The following KAT8 variants were observed in gnomAD, a reference collection of about 807,000 sequenced individuals.
KAT8 encodes the protein histone acetyltransferase KAT8.
A neutral mutation model predicts 62.9 loss-of-function variants in KAT8; 40 were observed. The observed-to-expected ratio is 0.64, with a 90% CI of 0.49 to 0.83. KAT8 has a LOEUF of 0.83. Ranked by LOEUF, KAT8 falls within the 40% of genes least tolerant of loss-of-function variation. The pLI, the probability that KAT8 is intolerant of heterozygous loss-of-function variation, is 0.00. For synonymous variants in KAT8, 278 were observed against 254.5 expected (o/e 1.09, Z -0.88); for missense variants, 387 against 614.8 (o/e 0.63, Z 3.92).
At chr16:31,118,798 C>T (rs1163498911) in intron 1 of KAT8, 1 of 152,006 alleles carries the variant, frequency 6.6e-6, no homozygotes. Flanking sequence ...TTATTGAATG[C>T]TCTGCTAATT....
At position 31,130,449 on chromosome 16, in the gene KAT8, C is replaced by T. The variant is rs754218385; in HGVS notation, c.1007-7C>T. The T allele has an allele frequency of 6.2e-7, 1 of 1,614,112 alleles. No homozygotes were observed. The highest frequency in any genetic ancestry group is 1.1e-5 in the South Asian group (1 of 91,082). ...GGATCCTAAGTTCCTCTTTCTACTG[C>T]TGCCAGGTTATGAGCTCTCCAAGCT... On this transcript the variant is annotated splice_polypyrimidine_tract_variant and splice_region_variant and intron_variant, in intron 8 of 10. Coordinates refer to ENST00000219797, the MANE Select transcript of KAT8 (RefSeq NM_032188.3).
chr16:31,131,039 C>A (rs1375246224), intron 10 of KAT8, 139 bp downstream of exon 10: 3 of 1,503,708 alleles, frequency 2.0e-6, no homozygotes, highest in Non-Finnish European at 1.8e-6. Flanking sequence ...CGGGGCAGGC[C>A]TCTCATTCCT....
At chr16:31,117,939 G>T in intron 1 of KAT8, 47 bp downstream of exon 1, 2 of 1,263,338 alleles carry the variant, frequency 1.6e-6, no homozygotes, top group Non-Finnish European at 2.0e-6. Flanking sequence ...CTCAGGGCCA[G>T]GGGGTGGGGC....
chr16:31,117,821 C>T lies in KAT8; in HGVS notation c.140C>T (p.Ala47Val). 1 of 1,435,374 alleles carries T rather than the reference C, an allele frequency of 7.0e-7. No individual in the cohort carries two copies. The allele number at this position is 1,435,374 out of a possible 1,614,324, so 88.9% of individuals were successfully genotyped here. A position where few individuals can be genotyped will look rare whatever the true frequency, so the allele number is the denominator to read the frequency against. Residue 47 changes from alanine to valine, a missense_variant, in exon 1 of 11, where the codon GCG becomes GTG. This residue lies in a region of KAT8 where 92 missense variants were observed against 78.8 expected (regional missense o/e 1.17). Transcript: ENST00000219797. The stretch of plus-strand genomic sequence containing the variant: ...GGCCGCGTCTCTCCGCCGACCCCGG[C>T]GCGCGGCGAGCCGGAAGTCACGGTG... ...SPGRVSPPTP[A>V]RGEPEVTVEI... is the part of the protein sequence containing the mutation.
At chr16:31,130,716 T>G (rs1567437749) in intron 9 of KAT8, 30 bp from the exon 10 acceptor site, 3 of 1,613,274 alleles carry the variant, frequency 1.9e-6, no homozygotes, top group Non-Finnish European at 2.5e-6. Flanking sequence ...GGGCACCAGG[T>G]CTGGCATTTG....
At chr16:31,129,509 C>T (rs1388299932) in intron 6 of KAT8, among the ~76,000 whole-genome samples, 2 of 152,118 alleles carry the variant, frequency 1.3e-5, no homozygotes, top group African/African-American at 4.8e-5. Context: ...CCAGGGAGCC[C>T]CTTAGTGTGT....
At position 31,127,040 on chromosome 16, in the gene KAT8, T is replaced by A; in HGVS notation, c.468T>A (p.Tyr156Ter). 1 of 1,614,198 alleles carries A rather than the reference T, an allele frequency of 6.2e-7. No individual in the cohort carries two copies. Among genetic ancestry groups the A allele is most frequent in the Non-Finnish European group, 8.5e-7 (1 of 1,180,032 alleles). ...ACTTTTCTTTCCTGGCCCAGACTTA[T>A]GCAGAGATGGACCCCACCACAGCAG... ...HDEINHVQKTYAEMDPTTAAL... is the reference protein window; with the variant it reads ...HDEINHVQKT Residue 156 changes from tyrosine to a stop codon, truncating the protein, a stop_gained, in exon 4 of 11, where the codon TAT (tyrosine) becomes TAA (stop). Coordinates refer to ENST00000219797, the MANE Select transcript of KAT8 (RefSeq NM_032188.3). LOFTEE classifies it high-confidence loss of function.
intron 4 of KAT8, 48 bp downstream of exon 4, chr16:31,127,136 C>G (rs758863838): frequency 2.5e-6 from 4 of 1,613,886 alleles, no homozygotes; most frequent in Non-Finnish European, 8.5e-7. Context: ...CTCCCCTTGC[C>G]GAGGAGCCCC....
rs1271181116 is a variant in KAT8 at position 31,128,079 on chromosome 16, GA to G, written c.714del (p.Glu239ArgfsTer50). On this transcript the variant is annotated frameshift_variant, in exon 6 of 11. Coordinates refer to ENST00000219797, the MANE Select transcript of KAT8 (RefSeq NM_032188.3). LOFTEE classifies it high-confidence loss of function. Reference protein sequence around the residue: ...GQCQWRQPPGKEIYRKSNISV... With the variant: ...GQCQWRQPPGXEIYRKSNISV... The stretch of plus-strand genomic sequence containing the variant: ...AGTGCCAGTGGCGGCAGCCCCCCGG[GA>G]AAGAGATCTACCGCAAGAGCAACAT... 6.2e-7 allele frequency: 1 copy of G among 1,613,862 alleles called. No individual in the cohort carries two copies. The highest frequency in any genetic ancestry group is 1.1e-5 in the South Asian group (1 of 91,070).
chr16:31,127,213 A>G lies in KAT8; in HGVS notation c.541A>G (p.Lys181Glu). Residue 181 changes from lysine to glutamate, a missense_variant, in exon 5 of 11, where the codon AAG (lysine) becomes GAG (glutamate). Lys to Glu is a moderately conservative substitution (Grantham distance 56). Transcript: ENST00000219797. ...GATCACCAAGGTGAAGTATGTGGAC[A>G]AGATCCACATCGGGAACTACGAAAT... ...EAITKVKYVD[K>E]IHIGNYEIDA... The G allele has an allele frequency of 6.2e-7, 1 of 1,614,222 alleles. No individual in the cohort carries two copies. The highest frequency in any genetic ancestry group is 2.2e-5 in the East Asian group (1 of 44,884).
At chr16:31,131,010 C>A in intron 10 of KAT8, 110 bp downstream of exon 10, 1 of 1,520,392 alleles carries the variant, frequency 6.6e-7, no homozygotes. Context: ...CCAGTCAGAC[C>A]AGCTCCCAGG....
chr16:31,118,113 C>T, intron 1 of KAT8: 1 of 403,550 alleles, frequency 2.5e-6, no homozygotes, highest in Non-Finnish European at 4.4e-6. Flanking sequence ...CGCCTACAAA[C>T]CCACCGCTCA....
chr16:31,125,209 A>G (rs948324043), intron 3 of KAT8, among the ~76,000 whole-genome samples: 1 of 151,596 alleles, frequency 6.6e-6, no homozygotes, highest in East Asian at 1.9e-4. Flanking sequence ...AAAAAAAAAA[A>G]CATGTCTGTG....
chr16:31,131,064 C>G, intron 10 of KAT8, 131 bp from the exon 11 acceptor site: 1 of 1,507,474 alleles, frequency 6.6e-7, no homozygotes, highest in Non-Finnish European at 8.9e-7. Context: ...TTCCCTACCC[C>G]TCCCCAGCAC....
At chr16:31,122,345 C>T (rs903222591) in intron 3 of KAT8, 10 of 152,162 alleles carry the variant, frequency 6.6e-5, no homozygotes, top group African/African-American at 1.2e-4. Context: ...CTTACCTTCC[C>T]GATGATCCTA....
In KAT8 at chr16:31,127,225, G is replaced by A; in HGVS notation, c.553G>A (p.Gly185Arg). The A allele has an allele frequency of 1.2e-6, 2 of 1,614,238 alleles. No individual in the cohort carries two copies. Among genetic ancestry groups the A allele is most frequent in the Non-Finnish European group, 1.7e-6 (2 of 1,180,036 alleles). ...KVKYVDKIHIGNYEIDAWYFS... is the reference protein window; with the variant it reads ...KVKYVDKIHIRNYEIDAWYFS... ...GAAGTATGTGGACAAGATCCACATC[G>A]GGAACTACGAAATTGATGCCTGGTA... Residue 185 changes from glycine to arginine, a missense_variant, in exon 5 of 11, where the codon GGG becomes AGG. Gly to Arg is a moderately radical substitution (Grantham distance 125). Around this residue, in one of 6 missense-constraint regions of KAT8, gnomAD observed 141 missense variants for 222.5 expected, o/e 0.63. Coordinates refer to ENST00000219797, the MANE Select transcript of KAT8 (RefSeq NM_032188.3).
In KAT8 at chr16:31,127,370, C is replaced by A. The variant is rs763621855; in HGVS notation, c.681+17C>A. The A allele has an allele frequency of 2.5e-6, 4 of 1,613,074 alleles. No homozygotes were observed. In the South Asian group the frequency reaches 4.4e-5, roughly 18 times the overall value. On this transcript the variant is annotated intron_variant, in intron 5 of 10. Coordinates refer to ENST00000219797, the MANE Select transcript of KAT8 (RefSeq NM_032188.3). ...TTCCACTTGGTGAGGCTGGGCCGGC[C>A]GGGCCGAGCTGGGCAGGGGCCCGGT...
chr16:31,131,353 T>C lies in KAT8; in HGVS notation c.*94T>C. The stretch of plus-strand genomic sequence containing the variant: ...TTGTCATTTTTTTAATAAAGTCAGT[T>C]CTGGTGGCCCTGGACTTTGGAGGGG... On this transcript the variant is annotated 3_prime_UTR_variant, in exon 11 of 11. Coordinates refer to ENST00000219797, the MANE Select transcript of KAT8 (RefSeq NM_032188.3). 1 of 1,455,614 alleles carries C rather than the reference T, an allele frequency of 6.9e-7. No homozygotes were observed. Among genetic ancestry groups the C allele is most frequent in the Non-Finnish European group, 9.5e-7 (1 of 1,057,292 alleles). The allele number at this position is 1,455,614 out of a possible 1,614,324, so 90.2% of individuals were successfully genotyped here.
chr16:31,130,637 G>T, intron 9 of KAT8, 31 bp downstream of exon 9: 1 of 1,612,562 alleles, frequency 6.2e-7, no homozygotes, highest in African/African-American at 1.3e-5. Context: ...CTGGGGGCAG[G>T]ACTTGCCCTG....
Sources: allele counts gnomAD v4.1 joint callset (sites outside exome capture counted in the v4.1 genomes callset), GRCh38; gene constraint gnomAD v4.1.1; regional missense constraint gnomAD v4.1.1; transcripts MANE v1.5; gene names NCBI Gene and HGNC (gene_info 2026-07-23, HGNC 2026-07-21).